BLTP1: variants seen among roughly 807,000 people sequenced by gnomAD.
The protein encoded by BLTP1 is fragile site-associated protein.
At chr4:122,160,527 T>C in the BLTP1 span, among the ~76,000 whole-genome samples, 1 of 152,220 alleles carries the variant, frequency 6.6e-6, no homozygotes, top group Non-Finnish European at 1.5e-5. Flanking sequence ...AGTAGACACA[T>C]ATTTTGTATA....
chr4:122,221,327 C>G, the BLTP1 span, among the ~76,000 whole-genome samples: 1 of 152,074 alleles, frequency 6.6e-6, no homozygotes, highest in African/African-American at 2.4e-5. Flanking sequence ...TATATGAGAT[C>G]ATATTAGCTA....
At chr4:122,229,025 A>G in the BLTP1 span, 1 of 1,021,482 alleles carries the variant, frequency 9.8e-7, no homozygotes, top group African/African-American at 1.6e-5. Flanking sequence ...TACATCAATA[A>G]CTAGATTTTT....
At chr4:122,265,657 A>G in the BLTP1 span, among the ~76,000 whole-genome samples, 7 of 152,292 alleles carry the variant, frequency 4.6e-5, no homozygotes, top group Non-Finnish European at 8.8e-5. Context: ...CTTGGCTCTC[A>G]TTGTGTAAAT....
chr4:122,305,190 C>T, the BLTP1 span: 6 of 983,274 alleles, frequency 6.1e-6, no homozygotes, highest in Non-Finnish European at 7.2e-6. Flanking sequence ...AGTGCAGATG[C>T]ACTCACATAA....
chr4:122,157,740 T>C, the BLTP1 span, among the ~76,000 whole-genome samples: 1 of 152,224 alleles, frequency 6.6e-6, no homozygotes, highest in Non-Finnish European at 1.5e-5. Context: ...CTAGTTTAGC[T>C]GCTGGATGGA....
the BLTP1 span, among the ~76,000 whole-genome samples, chr4:122,159,196 G>T: frequency 2.0e-5 from 3 of 152,122 alleles, no homozygotes; most frequent in African/African-American, 7.2e-5. Context: ...GCGGTGGGTG[G>T]CTCATGCCTG....
At chr4:122,244,375 A>G in the BLTP1 span, among the ~76,000 whole-genome samples, 3 of 151,906 alleles carry the variant, frequency 2.0e-5, no homozygotes, top group African/African-American at 2.4e-5. Context: ...AAAAAAGTCA[A>G]CCTTCTGTAT....
At chr4:122,274,109 T>C in the BLTP1 span, among the ~76,000 whole-genome samples, 2 of 152,086 alleles carry the variant, frequency 1.3e-5, no homozygotes, top group African/African-American at 4.8e-5. Flanking sequence ...TTGAAGTGTA[T>C]ATTTTGCATT....
At chr4:122,343,900 C>A in the BLTP1 span, 1 of 880,950 alleles carries the variant, frequency 1.1e-6, no homozygotes, top group Non-Finnish European at 1.4e-6. Flanking sequence ...ATTTAAATGT[C>A]TTAGCAAATC....
the BLTP1 span, chr4:122,184,725 A>G: frequency 1.0e-6 from 1 of 985,350 alleles, no homozygotes; most frequent in African/African-American, 1.7e-5. Flanking sequence ...GGTACTATAC[A>G]GTCACAGTCT....
chr4:122,356,844 G>C, the BLTP1 span: 9 of 1,512,832 alleles, frequency 5.9e-6, no homozygotes, highest in South Asian at 1.2e-4. Flanking sequence ...ATGAGAAAAT[G>C]AGTGGAATAT....
chr4:122,189,448 G>C, the BLTP1 span: 6 of 977,708 alleles, frequency 6.1e-6, no homozygotes, highest in Non-Finnish European at 7.3e-6. Flanking sequence ...ATTTCAAGTT[G>C]ATTAAATATT....
the BLTP1 span, chr4:122,254,865 C>G: frequency 6.2e-7 from 1 of 1,613,776 alleles, no homozygotes; most frequent in Non-Finnish European, 8.5e-7. Context: ...TTCCCATTGA[C>G]CAACTCAAGT....
chr4:122,318,356 A>C, the BLTP1 span: 23 of 1,020,352 alleles, frequency 2.3e-5, no homozygotes, highest in Non-Finnish European at 3.1e-5. Flanking sequence ...GTACCATCTA[A>C]AGCACGTTAC....
At chr4:122,309,147 T>C in the BLTP1 span, 6 of 1,357,722 alleles carry the variant, frequency 4.4e-6, no homozygotes, top group Admixed American at 2.8e-5. Flanking sequence ...AGCTGCTCTT[T>C]AATGAACATA....
chr4:122,328,382 T>A, the BLTP1 span: 1 of 1,575,174 alleles, frequency 6.3e-7, no homozygotes, highest in Non-Finnish European at 8.7e-7. Flanking sequence ...TTTAAGATCA[T>A]AATGTAGTAT....
At chr4:122,348,089 T>C in the BLTP1 span, among the ~76,000 whole-genome samples, 1 of 152,104 alleles carries the variant, frequency 6.6e-6, no homozygotes, top group Non-Finnish European at 1.5e-5. Context: ...ATGAATGATG[T>C]AGTTCTCGTC....
chr4:122,310,891 T>C, the BLTP1 span: 1 of 908,400 alleles, frequency 1.1e-6, no homozygotes, highest in African/African-American at 1.8e-5. Flanking sequence ...GATATGGAAA[T>C]ACTCATGCCT....
chr4:122,171,358 T>G, the BLTP1 span, among the ~76,000 whole-genome samples: 1 of 152,102 alleles, frequency 6.6e-6, no homozygotes, highest in Non-Finnish European at 1.5e-5. Flanking sequence ...GAAATTATTG[T>G]AGGTTGTTTC....
Sources: allele counts gnomAD v4.1 joint callset (sites outside exome capture counted in the v4.1 genomes callset), GRCh38; gene constraint gnomAD v4.1.1; transcripts MANE v1.5; gene names NCBI Gene and HGNC (gene_info 2026-07-23, HGNC 2026-07-21).